Variants in PPL observed in about 807,000 individuals in gnomAD.
The protein encoded by PPL is 190 kDa paraneoplastic pemphigus antigen.
In PPL, 198 loss-of-function variants were observed where a neutral mutation model predicts 194.4. The observed-to-expected ratio is 1.02, with a 90% CI of 0.91 to 1.15. The LOEUF (loss-of-function observed/expected upper bound fraction) is 1.15, where lower values mean the gene tolerates loss of function less well. Ranked by LOEUF, PPL falls within the 50% of genes most tolerant of loss-of-function variation. The pLI, the probability that PPL is intolerant of heterozygous loss-of-function variation, is 0.00. For synonymous variants in PPL, 1,220 were observed against 972.4 expected (o/e 1.25, Z -4.74); for missense variants, 2,885 against 2,294.8 (o/e 1.26, Z -5.25).
chr16:4,890,316 G>T lies in PPL; in HGVS notation c.2181C>A (p.Ser727Arg). 1 of 1,613,476 alleles carries T rather than the reference G, an allele frequency of 6.2e-7. No individual in the cohort carries two copies. Among genetic ancestry groups the T allele is most frequent in the Middle Eastern group, 1.7e-4 (1 of 6,020 alleles). ...GGAAGTGCTCGTAGGCTGCCTTGGC[G>T]CTCTGTAGGCTCTGCGCCCTGTCAA... The part of the protein sequence containing the change: ...QVERRAQSLQ[S>R]AKAAYEHFHR... The change falls in exon 18 of 22, where the codon AGC becomes AGA. Residue 727 changes from serine (S) to arginine (R), a missense_variant. Physicochemically the swap from Ser to Arg is moderately radical, Grantham distance 110 (BLOSUM62 -1). Coordinates refer to ENST00000345988, the MANE Select transcript of PPL (RefSeq NM_002705.5).
At position 4,883,998 on chromosome 16, in the gene PPL, T is replaced by G. The variant is rs1417783122; in HGVS notation, c.4657A>C (p.Lys1553Gln). Residue 1553 changes from lysine (K) to glutamine (Q), a missense_variant, in exon 22 of 22, where the codon AAG (lysine) becomes CAG (glutamine). Lys to Gln is a moderately conservative substitution (Grantham distance 53, BLOSUM62 1). Coordinates refer to ENST00000345988, the MANE Select transcript of PPL (RefSeq NM_002705.5). This position sits in a 1 kb window ranked among gnomAD's most constrained non-coding sequence, Gnocchi z 4.8. ...RLSELEFHNS[K>Q]SSKELDFLRE... is the part of the protein sequence containing the mutation. ...AGAAAGTCTAGTTCCTTGGATGACT[T>G]GGAGTTATGGAATTCCAGCTCCGAA... The G allele has an allele frequency of 1.2e-6, 2 of 1,613,896 alleles. No homozygotes were observed. The highest frequency in any genetic ancestry group is 8.5e-7 in the Non-Finnish European group (1 of 1,180,026).
At chr16:4,924,711 C>G (rs535489957) in intron 1 of PPL, among the ~76,000 whole-genome samples, 1 of 152,158 alleles carries the variant, frequency 6.6e-6, no homozygotes, top group African/African-American at 2.4e-5. Context: ...GACCCTGGCA[C>G]GAAGACCGCA....
chr16:4,890,943 C>A, intron 16 of PPL, 22 bp from the exon 17 acceptor site: 4 of 1,495,290 alleles, frequency 2.7e-6, no homozygotes, highest in Non-Finnish European at 3.6e-6. Context: ...GAGGAGGAGA[C>A]GGCGGTGCTA....
chr16:4,898,597 G>T (rs1388724395), intron 8 of PPL, among the ~76,000 whole-genome samples: 1 of 152,150 alleles, frequency 6.6e-6, no homozygotes, highest in Non-Finnish European at 1.5e-5. Context: ...CAAGCCAAGG[G>T]CTGTTGGCAA....
At chr16:4,915,469 C>A (rs2088899580) in intron 1 of PPL, among the ~76,000 whole-genome samples, 1 of 152,234 alleles carries the variant, frequency 6.6e-6, no homozygotes, top group African/African-American at 2.4e-5. Flanking sequence ...CAGGCACCAG[C>A]TCAATATCAT....
chr16:4,930,712 G>T (rs540775926), intron 1 of PPL, among the ~76,000 whole-genome samples: 3 of 152,220 alleles, frequency 2.0e-5, no homozygotes, highest in Non-Finnish European at 4.4e-5. Context: ...AGGCTTCCCT[G>T]AGGAACAGAA....
At position 4,903,908 on chromosome 16, in the gene PPL, G is replaced by A; in HGVS notation, c.295C>T (p.Gln99Ter). 2 of 1,614,110 alleles carry A rather than the reference G, an allele frequency of 1.2e-6. No homozygotes were observed. Among genetic ancestry groups the A allele is most frequent in the Non-Finnish European group, 1.7e-6 (2 of 1,180,042 alleles). Reference protein sequence around the residue: ...AAIAKHMKHPQGDMIAEDIRQ... With the variant: ...AAIAKHMKHP ...TACTCCTCGGCGATCATGTCCCCCT[G>A]TGGGTGCTTCATGTGCTTGGCAATG... Residue 99 changes from glutamine (Q) to a stop codon, truncating the protein, a stop_gained, in exon 3 of 22, where the codon CAG becomes TAG. Transcript: ENST00000345988. LOFTEE classifies it high-confidence loss of function.
At position 4,900,434 on chromosome 16, in the gene PPL, C is replaced by CTTTTTTTTTTTTTTTTTTTT. The variant is rs1217002366; in HGVS notation, c.606+376_606+395dup. On this transcript the variant is annotated intron_variant, in intron 6 of 21. Transcript: ENST00000345988. ...CCTGATTGAAACGTTTACTGCACGCCTTTTTTTTTTTTTTTTTTTTTTAAA... is the reference window on the plus strand; with the variant it reads ...CCTGATTGAAACGTTTACTGCACGCCTTTTTTTTTTTTTTTTTTTTTTTTTTTTTTTTTTTTTTTTTTAAA... Among the ~76,000 whole-genome samples, 12 of 61,650 alleles carry CTTTTTTTTTTTTTTTTTTTT rather than the reference C, an allele frequency of 1.9e-4. 4 individuals carry two copies. The highest frequency in any genetic ancestry group is 5.7e-4 in the Admixed American group (2 of 3,534). 40.4% of individuals were successfully genotyped at this position (61,650 alleles called of 152,430 possible). A position where few individuals can be genotyped will look rare whatever the true frequency, so the allele number is the denominator to read the frequency against.
Position 4,895,212 on chromosome 16 carries a change from A to AC in PPL, c.1242+48dup, listed in dbSNP as rs769274386. The stretch of plus-strand genomic sequence containing the variant: ...CTGAGGCCCGGGATCCAACCATGTT[A>AC]CCCCAAAAACTTTGTAGTGATGTGA... On this transcript the variant is annotated intron_variant, in intron 11 of 21. Coordinates refer to ENST00000345988, the MANE Select transcript of PPL (RefSeq NM_002705.5). 37 of 1,527,890 alleles carry AC rather than the reference A, an allele frequency of 2.4e-5. No homozygotes were observed. In the Admixed American group the frequency reaches 4.8e-4, roughly 20 times the overall value. The allele number at this position is 1,527,890 out of a possible 1,614,324, so 94.6% of individuals were successfully genotyped here.
In PPL at chr16:4,893,266, G is replaced by T. The variant is rs146220570; in HGVS notation, c.1597C>A (p.Leu533Met). The T allele has an allele frequency of 5.6e-5, 89 of 1,597,962 alleles. 1 individual carries two copies. The highest frequency in any genetic ancestry group is 4.3e-4 in the African/African-American group (32 of 74,680). The change falls in exon 14 of 22, where the codon CTG becomes ATG. Residue 533 changes from leucine (L) to methionine (M), a missense_variant. Physicochemically the swap from Leu to Met is conservative, Grantham distance 15. Coordinates refer to ENST00000345988, the MANE Select transcript of PPL (RefSeq NM_002705.5). ...TCCTGCACAGCCCGGCCTTGCTCCA[G>T]TGGTGGCCGCAGGATCCCTGTGATG... ...KAITGILRPP[L>M]EQGRAVQDSA...
In PPL at chr16:4,899,033, G is replaced by T; in HGVS notation, c.856C>A (p.Pro286Thr). 1.2e-6 allele frequency: 2 copies of T among 1,613,668 alleles called. No individual in the cohort carries two copies. The highest frequency in any genetic ancestry group is 1.1e-5 in the South Asian group (1 of 91,078). Residue 286 changes from proline (P) to threonine (T), a missense_variant, in exon 8 of 22, where the codon CCC (proline) becomes ACC (threonine). Transcript: ENST00000345988. ...EGDQLLAAEH[P>T]GRNSIEAHME... ...TGAACCTCAATGGAGTTCCTCCCGG[G>T]GTGCTCGGCCGCCAGCAGCTGGTCG...
intron 1 of PPL, among the ~76,000 whole-genome samples, chr16:4,926,784 C>A (rs8057161): frequency 9.0e-5 from 13 of 144,364 alleles, no homozygotes; most frequent in Non-Finnish European, 1.5e-5. Context: ...GAGGCTGAGG[C>A]GGGAGAATGG....
At chr16:4,887,992 C>T (rs1596544744) in intron 20 of PPL, 110 bp downstream of exon 20, 5 of 772,374 alleles carry the variant, frequency 6.5e-6, no homozygotes, top group East Asian at 2.5e-5. Context: ...TCAGTGGCTT[C>T]CCTGTTGTGT....
rs912628525 is a variant in PPL at position 4,900,663 on chromosome 16, C to T, written c.606+167G>A. On this transcript the variant is annotated intron_variant, in intron 6 of 21. Transcript: ENST00000345988. ...ATGTTGCCCAGGTTGGTCTCAAACTCGTGGGCTCAAGTGATCCTCCTGCCT... is the reference window on the plus strand; with the variant it reads ...ATGTTGCCCAGGTTGGTCTCAAACTTGTGGGCTCAAGTGATCCTCCTGCCT... Among the ~76,000 whole-genome samples, 8 of 151,948 alleles carry T rather than the reference C, an allele frequency of 5.3e-5. No homozygotes were observed. The South Asian group carries it at 1.5e-3, about 28-fold the overall frequency.
chr16:4,892,001 A>AC lies in PPL; in HGVS notation c.1829+33dup, dbSNP rs36052295. The AC allele has an allele frequency of 6.2e-6, 10 of 1,610,894 alleles. No individual in the cohort carries two copies. The African/African-American group carries it at 9.3e-5, about 15-fold the overall frequency. On this transcript the variant is annotated intron_variant, in intron 15 of 21. Transcript: ENST00000345988. ...GATGCCCACCTGGCCCCCTGACCCC[A>AC]CCCCAACCTCCATGCTGCCTGTCTG...
At chr16:4,895,516 G>C (rs2088409644) in intron 10 of PPL, 78 bp downstream of exon 10, 3 of 1,609,512 alleles carry the variant, frequency 1.9e-6, no homozygotes, top group African/African-American at 1.3e-5. Context: ...GGAGGGGCCT[G>C]TACAGGGCTG....
chr16:4,888,285 T>TA, intron 19 of PPL, 67 bp from the exon 20 acceptor site: 1 of 1,157,552 alleles, frequency 8.6e-7, no homozygotes, highest in South Asian at 1.2e-5. Context: ...CATGTTCCTG[T>TA]ACCCCTTCAG....
chr16:4,895,275 A>G lies in PPL; in HGVS notation c.1228T>C (p.Phe410Leu), dbSNP rs2088402913. The G allele has an allele frequency of 6.2e-7, 1 of 1,606,082 alleles. No individual in the cohort carries two copies. Among genetic ancestry groups the G allele is most frequent in the Admixed American group, 1.7e-5 (1 of 58,652 alleles). Residue 410 changes from phenylalanine (F) to leucine (L), a missense_variant, in exon 11 of 22, where the codon TTT becomes CTT. Physicochemically the swap from Phe to Leu is conservative, Grantham distance 22 (BLOSUM62 0). Transcript: ENST00000345988. ...KPIPVEALCDFEGEQGLISRG... is the reference protein window; with the variant it reads ...KPIPVEALCDLEGEQGLISRG... ...GCCCCACGCACCTGCTCCCCCTCAA[A>G]GTCACAGAGTGCCTCCACGGGGATG...
At chr16:4,895,820 T>C in intron 9 of PPL, 104 bp from the exon 10 acceptor site, 1 of 1,507,828 alleles carries the variant, frequency 6.6e-7, no homozygotes. Flanking sequence ...GGGCCTCCGG[T>C]TCACCTGGAG....
Sources: allele counts gnomAD v4.1 joint callset (sites outside exome capture counted in the v4.1 genomes callset), GRCh38; gene constraint gnomAD v4.1.1; non-coding constraint Gnocchi (gnomAD v3.1); transcripts MANE v1.5; gene names NCBI Gene and HGNC (gene_info 2026-07-23, HGNC 2026-07-21).